The following FSTL4 variants were observed in gnomAD, a reference collection of about 807,000 sequenced individuals.
FSTL4 encodes the protein follistatin-related protein 4.
A neutral mutation model predicts 78.2 loss-of-function variants in FSTL4; 28 were observed. The ratio of observed to expected loss-of-function variants is 0.36; its 90% CI spans 0.27 to 0.49. The LOEUF is 0.49. FSTL4 is among the 20% of genes least tolerant of loss of function. The pLI is 0.98. For synonymous variants in FSTL4, 422 were observed against 440.5 expected, an observed-to-expected ratio of 0.96 and a Z score of 0.53; for missense variants, 922 against 1,084.9, an observed-to-expected ratio of 0.85 and a Z score of 2.11.
the FSTL4 span, among the ~76,000 whole-genome samples, chr5:133,711,158 C>T: frequency 6.6e-6 from 1 of 152,298 alleles, no homozygotes; most frequent in East Asian, 1.9e-4. Context: ...CCCAGGTTCC[C>T]AGAGAGCTCT....
chr5:133,423,628 C>G (rs1561711566), intron 3 of FSTL4, among the ~76,000 whole-genome samples: 1 of 152,066 alleles, frequency 6.6e-6, no homozygotes, highest in Non-Finnish European at 1.5e-5. Flanking sequence ...GTGGTGATGG[C>G]TAACGGTGGT....
chr5:133,410,980 C>T (rs1040958700), intron 3 of FSTL4, among the ~76,000 whole-genome samples: 1 of 152,186 alleles, frequency 6.6e-6, no homozygotes, highest in Non-Finnish European at 1.5e-5. Flanking sequence ...ACAGGTGGGC[C>T]TGAGGGTTCT....
chr5:133,267,872 G>T (rs995437659), intron 6 of FSTL4, among the ~76,000 whole-genome samples: 9 of 152,140 alleles, frequency 5.9e-5, no homozygotes, highest in Admixed American at 4.6e-4. Context: ...GCTTGGCTGG[G>T]GCAAGAAGGG....
chr5:133,277,387 C>T (rs1471652133), intron 6 of FSTL4, among the ~76,000 whole-genome samples: 1 of 151,782 alleles, frequency 6.6e-6, no homozygotes, highest in Non-Finnish European at 1.5e-5. Context: ...TGGGTGCAGG[C>T]AGGAAGGAGG....
intron 6 of FSTL4, among the ~76,000 whole-genome samples, chr5:133,259,167 T>G (rs1752453341): frequency 7.4e-6 from 1 of 134,632 alleles, no homozygotes; most frequent in African/African-American, 2.9e-5. Context: ...GGAGGGCTAT[T>G]AAGGTGTGTG....
the FSTL4 span, among the ~76,000 whole-genome samples, chr5:133,686,049 C>G: frequency 6.6e-6 from 1 of 152,198 alleles, no homozygotes; most frequent in Non-Finnish European, 1.5e-5. Flanking sequence ...GCCCACAGGA[C>G]AGCACAGGGG....
At chr5:133,693,197 T>C in the FSTL4 span, among the ~76,000 whole-genome samples, 1 of 152,154 alleles carries the variant, frequency 6.6e-6, no homozygotes, top group African/African-American at 2.4e-5. Flanking sequence ...GAAAAGCATA[T>C]AGCTAGCAGA....
At chr5:133,462,547 C>T (rs778624468) in intron 3 of FSTL4, among the ~76,000 whole-genome samples, 2 of 152,226 alleles carry the variant, frequency 1.3e-5, no homozygotes, top group African/African-American at 2.4e-5. Context: ...TCACTCCTAA[C>T]GATTAATCAA....
At chr5:133,373,576 C>A (rs1454184327) in intron 4 of FSTL4, among the ~76,000 whole-genome samples, 1 of 152,212 alleles carries the variant, frequency 6.6e-6, no homozygotes, top group Non-Finnish European at 1.5e-5. Flanking sequence ...TATACTGCTT[C>A]ATGGCCAAGC....
chr5:133,777,471 GT>G, the FSTL4 span, among the ~76,000 whole-genome samples: 1 of 152,114 alleles, frequency 6.6e-6, no homozygotes. Flanking sequence ...TACACAAGTA[GT>G]TTTGAAAACT....
chr5:133,517,293 G>A (rs1758873383), intron 3 of FSTL4, among the ~76,000 whole-genome samples: 1 of 149,114 alleles, frequency 6.7e-6, no homozygotes, highest in Admixed American at 6.7e-5. Context: ...CATAGTGGCA[G>A]GTGCCTATAT....
chr5:133,640,598 A>T, the FSTL4 span, among the ~76,000 whole-genome samples: 1 of 152,144 alleles, frequency 6.6e-6, no homozygotes, highest in East Asian at 1.9e-4. Context: ...TGCTGGCCTG[A>T]TTCATTTCAC....
the FSTL4 span, among the ~76,000 whole-genome samples, chr5:133,776,991 T>C: frequency 7.2e-5 from 11 of 152,044 alleles, no homozygotes; most frequent in Non-Finnish European, 2.9e-5. Flanking sequence ...ACCCCTAAGA[T>C]AGTACCTCAG....
intron 3 of FSTL4, among the ~76,000 whole-genome samples, chr5:133,411,342 C>T (rs1256709370): frequency 1.3e-5 from 2 of 152,032 alleles, no homozygotes; most frequent in Non-Finnish European, 2.9e-5. Flanking sequence ...ACAAAGAAGG[C>T]TTTTGGGGGA....
chr5:133,489,291 G>A (rs1758208468), intron 3 of FSTL4, among the ~76,000 whole-genome samples: 1 of 152,190 alleles, frequency 6.6e-6, no homozygotes, highest in African/African-American at 2.4e-5. Flanking sequence ...TGTTGGGATG[G>A]GGCCAAGTGT....
the FSTL4 span, among the ~76,000 whole-genome samples, chr5:133,675,636 G>A: frequency 6.6e-6 from 1 of 152,234 alleles, no homozygotes; most frequent in Non-Finnish European, 1.5e-5. Context: ...GTACCTGCTG[G>A]ACTGGGTCAC....
intron 3 of FSTL4, among the ~76,000 whole-genome samples, chr5:133,428,842 A>G (rs1050842000): frequency 1.3e-5 from 2 of 152,174 alleles, no homozygotes; most frequent in Non-Finnish European, 2.9e-5. Context: ...TGGGCATGCA[A>G]TGCTTCATTG....
intron 3 of FSTL4, among the ~76,000 whole-genome samples, chr5:133,511,221 TG>T (rs1758725178): frequency 6.6e-6 from 1 of 152,186 alleles, no homozygotes; most frequent in Non-Finnish European, 1.5e-5. Flanking sequence ...GCCATGGGCC[TG>T]GGTCCCTGGT....
At chr5:133,339,106 C>T (rs902455200) in intron 4 of FSTL4, among the ~76,000 whole-genome samples, 3 of 152,114 alleles carry the variant, frequency 2.0e-5, no homozygotes, top group Non-Finnish European at 4.4e-5. Context: ...TTCTGGCGAC[C>T]CTGCGCCACC....
Sources: gnomAD v4.1 joint callset for allele counts (sites outside exome capture counted in the v4.1 genomes callset) on GRCh38, gnomAD v4.1.1 for gene constraint, MANE v1.5 for transcripts, NCBI Gene and HGNC (gene_info 2026-07-23, HGNC 2026-07-21) for gene names.